Variants in SYT16 observed in about 807,000 individuals in gnomAD.
SYT16 encodes synaptotagmin 16.
In SYT16, 42 loss-of-function variants were observed where a neutral mutation model predicts 61.4. The observed-to-expected ratio is 0.68, with a 90% CI of 0.53 to 0.89. The LOEUF (loss-of-function observed/expected upper bound fraction) is 0.89, where lower values mean the gene tolerates loss of function less well. Among genes scored for constraint, SYT16 ranks in the 40% least tolerant of loss-of-function variants. The pLI, the probability that SYT16 is intolerant of heterozygous loss-of-function variation, is 0.00. For missense variants in SYT16, 804 were observed against 807.3 expected (o/e 1.00, Z 0.05); for synonymous variants, 314 against 302.3 (o/e 1.04, Z -0.40).
At chr14:62,051,748 G>A (rs575217376) in intron 3 of SYT16, among the ~76,000 whole-genome samples, 1 of 152,298 alleles carries the variant, frequency 6.6e-6, no homozygotes, top group South Asian at 2.1e-4. Context: ...GTTAAAACAT[G>A]CAGTTTTTGG....
At chr14:62,079,744 T>C (rs191866997) in intron 5 of SYT16, among the ~76,000 whole-genome samples, 3 of 152,284 alleles carry the variant, frequency 2.0e-5, no homozygotes, top group Admixed American at 2.0e-4. Flanking sequence ...CAGAGGAAAA[T>C]AGAATTATTA....
intron 2 of SYT16, among the ~76,000 whole-genome samples, chr14:61,986,894 A>G (rs1407368657): frequency 1.3e-5 from 2 of 152,222 alleles, no homozygotes; most frequent in African/African-American, 2.4e-5. Flanking sequence ...GGCCTATTCT[A>G]TGGTAGTCAG....
intron 1 of SYT16, among the ~76,000 whole-genome samples, chr14:61,834,041 T>C (rs182551022): frequency 1.3e-5 from 2 of 151,956 alleles, no homozygotes; most frequent in African/African-American, 4.8e-5. Flanking sequence ...TTTTGCTTAT[T>C]GGTTATATTT....
chr14:62,057,875 T>A, intron 3 of SYT16, among the ~76,000 whole-genome samples: 1 of 151,534 alleles, frequency 6.6e-6, no homozygotes, highest in East Asian at 1.9e-4. Flanking sequence ...AATACCACAG[T>A]CAAGAAAACA....
At chr14:61,816,750 G>A (rs1323696171) in intron 1 of SYT16, among the ~76,000 whole-genome samples, 1 of 152,114 alleles carries the variant, frequency 6.6e-6, no homozygotes, top group Non-Finnish European at 1.5e-5. Flanking sequence ...GGTGGCTCAC[G>A]CCTGTAATCC....
intron 3 of SYT16, among the ~76,000 whole-genome samples, chr14:62,022,505 T>C (rs1407774856): frequency 6.6e-6 from 1 of 152,142 alleles, no homozygotes; most frequent in Non-Finnish European, 1.5e-5. Flanking sequence ...ATCTGCTTTT[T>C]ATTTATCTTG....
chr14:62,084,425 A>C (rs772039033), intron 7 of SYT16, 40 bp downstream of exon 7: 2 of 1,578,636 alleles, frequency 1.3e-6, no homozygotes, highest in South Asian at 2.3e-5. Context: ...GTTCTTCCAG[A>C]GGCAAGTGGA....
In SYT16 at chr14:61,970,649, A is replaced by G. The variant is rs1225310436; in HGVS notation, c.-145+338A>G. Reference sequence around the variant, plus strand: ...TTGAGATTTTTCAGTGCTCAGGACCATGTCCCACCTTGTATGGCAATGGTC... The same window carrying G: ...TTGAGATTTTTCAGTGCTCAGGACCGTGTCCCACCTTGTATGGCAATGGTC... On this transcript the variant is annotated intron_variant, in intron 2 of 7. Coordinates refer to ENST00000683842, the MANE Select transcript of SYT16 (RefSeq NM_001367656.1). 2.6e-5 allele frequency among the ~76,000 whole-genome samples: 4 copies of G among 152,222 alleles called. No individual in the cohort carries two copies. The East Asian group carries it at 5.8e-4, about 22-fold the overall frequency.
chr14:61,900,730 GT>G (rs1461189548), intron 1 of SYT16, among the ~76,000 whole-genome samples: 1 of 152,294 alleles, frequency 6.6e-6, no homozygotes, highest in African/African-American at 2.4e-5. Context: ...GCCTTGCATG[GT>G]GTTTTCATCA....
chr14:61,879,605 G>T (rs1465763253), intron 1 of SYT16, among the ~76,000 whole-genome samples: 2 of 152,026 alleles, frequency 1.3e-5, no homozygotes, highest in Non-Finnish European at 2.9e-5. Context: ...CCTGCTCTCC[G>T]ACTCCTGTCC....
intron 5 of SYT16, chr14:62,077,511 C>A (rs1595361561): frequency 6.6e-6 from 1 of 152,164 alleles, no homozygotes; most frequent in African/African-American, 2.4e-5. Context: ...ACAGGTGTCC[C>A]ACTTTTCATC....
chr14:62,020,624 G>A (rs903892536), intron 3 of SYT16, among the ~76,000 whole-genome samples: 3 of 151,902 alleles, frequency 2.0e-5, no homozygotes, highest in Non-Finnish European at 2.9e-5. Flanking sequence ...TCTCCAATTC[G>A]TTTTCACCAG....
chr14:61,813,177 G>C (rs1448038281), intron 1 of SYT16, among the ~76,000 whole-genome samples: 2 of 152,378 alleles, frequency 1.3e-5, no homozygotes, highest in Admixed American at 6.5e-5. Context: ...TTCAAGGTTC[G>C]CCTCGAGTTC....
chr14:62,078,106 GCTCT>G (rs138705547), intron 5 of SYT16, among the ~76,000 whole-genome samples: 21 of 137,426 alleles, frequency 1.5e-4, no homozygotes, highest in African/African-American at 3.9e-4. Context: ...TTGTGCGCTT[GCTCT>G]CTCTCTCTCT....
chr14:62,011,906 TATATATACACACACACACAC>T (rs1288311546), intron 3 of SYT16, among the ~76,000 whole-genome samples: 895 of 66,538 alleles, frequency 0.013, 6 homozygotes, highest in Middle Eastern at 0.03. Flanking sequence ...CACACACACA[TATATATACACACACACACAC>T]ATATATATAT....
chr14:61,891,011 A>G (rs757254018), intron 1 of SYT16, among the ~76,000 whole-genome samples: 1 of 152,218 alleles, frequency 6.6e-6, no homozygotes, highest in Non-Finnish European at 1.5e-5. Context: ...GCTTTCAGTT[A>G]CAAGAAAGGA....
intron 3 of SYT16, among the ~76,000 whole-genome samples, chr14:62,003,048 G>T (rs955195510): frequency 6.6e-6 from 1 of 152,004 alleles, no homozygotes; most frequent in Non-Finnish European, 1.5e-5. Context: ...ACCTCCCTTT[G>T]GGTCCCTCCC....
At chr14:61,831,930 T>C in intron 1 of SYT16, 1 of 527,766 alleles carries the variant, frequency 1.9e-6, no homozygotes, top group African/African-American at 1.9e-5. Context: ...TCACCTCATG[T>C]CCAGCATCCT....
intron 1 of SYT16, among the ~76,000 whole-genome samples, chr14:61,869,147 GTAA>G (rs987269466): frequency 6.6e-5 from 10 of 151,764 alleles, no homozygotes; most frequent in African/African-American, 2.4e-4. Context: ...TTTTTTACTT[GTAA>G]TAATTCTGTC....
Sources: allele counts gnomAD v4.1 joint callset (sites outside exome capture counted in the v4.1 genomes callset), GRCh38; gene constraint gnomAD v4.1.1; transcripts MANE v1.5; gene names NCBI Gene and HGNC (gene_info 2026-07-23, HGNC 2026-07-21).